Variants in CAST observed in about 807,000 individuals in gnomAD.
CAST encodes calpastatin, also known as MIR583 host.
A neutral mutation model predicts 119.6 loss-of-function variants in CAST; 76 were observed. That is an observed-to-expected ratio of 0.64 (90% CI 0.53 to 0.77). The LOEUF (loss-of-function observed/expected upper bound fraction) is 0.77, where lower values mean the gene tolerates loss of function less well. Among genes scored for constraint, CAST ranks in the 30% least tolerant of loss-of-function variants. The pLI is 0.00. For synonymous variants in CAST, 319 were observed against 331.6 expected (o/e 0.96, Z 0.41); for missense variants, 953 against 946.5 (o/e 1.01, Z -0.09).
At chr5:96,429,294 G>T in the CAST span, 2 of 1,588,282 alleles carry the variant, frequency 1.3e-6, no homozygotes, top group African/African-American at 1.3e-5. Context: ...GTTTGAATAA[G>T]TAGTGATTTT....
chr5:96,448,655 T>C, the CAST span, among the ~76,000 whole-genome samples: 3 of 152,160 alleles, frequency 2.0e-5, no homozygotes. Context: ...GTTTAGTCAC[T>C]TTCAGGAAGA....
At chr5:96,582,219 CTTTA>C (rs1249760642) in intron 1 of CAST, among the ~76,000 whole-genome samples, 1 of 152,112 alleles carries the variant, frequency 6.6e-6, no homozygotes, top group Non-Finnish European at 1.5e-5. Context: ...AAATTTTTCA[CTTTA>C]TTTATATCTG....
chr5:96,135,494 G>A, the CAST span, among the ~76,000 whole-genome samples: 12 of 152,152 alleles, frequency 7.9e-5, no homozygotes, highest in Non-Finnish European at 1.8e-4. Flanking sequence ...GGGTAAGGGA[G>A]AAGTTAGCAC....
chr5:96,565,760 C>T (rs1266941754), intron 1 of CAST, among the ~76,000 whole-genome samples: 1 of 152,176 alleles, frequency 6.6e-6, no homozygotes, highest in East Asian at 1.9e-4. Flanking sequence ...ACAGCCATCT[C>T]CCCATGAGAT....
At chr5:96,049,869 A>G in the CAST span, among the ~76,000 whole-genome samples, 1 of 139,402 alleles carries the variant, frequency 7.2e-6, no homozygotes, top group African/African-American at 2.6e-5. Flanking sequence ...ATTTTAAGAG[A>G]GAAACAACAG....
chr5:96,698,555 G>A (rs570673719), intron 3 of CAST, among the ~76,000 whole-genome samples: 1 of 152,222 alleles, frequency 6.6e-6, no homozygotes, highest in African/African-American at 2.4e-5. Flanking sequence ...ATAAGGTGTT[G>A]AACAAACGTA....
At chr5:96,125,015 C>T in the CAST span, among the ~76,000 whole-genome samples, 2 of 151,988 alleles carry the variant, frequency 1.3e-5, no homozygotes, top group African/African-American at 2.4e-5. Context: ...AAGAGTAGCC[C>T]GATTCTTAGA....
chr5:96,549,653 A>T (rs1375359686), intron 1 of CAST, among the ~76,000 whole-genome samples: 1 of 152,204 alleles, frequency 6.6e-6, no homozygotes, highest in Non-Finnish European at 1.5e-5. Flanking sequence ...GGAAGCCATG[A>T]GTGACTGTAC....
the CAST span, among the ~76,000 whole-genome samples, chr5:96,307,929 C>G: frequency 6.6e-6 from 1 of 152,066 alleles, no homozygotes; most frequent in Non-Finnish European, 1.5e-5. Flanking sequence ...GAGTATGTGT[C>G]TTGGGATTGC....
chr5:96,235,242 T>C, the CAST span, among the ~76,000 whole-genome samples: 2 of 152,188 alleles, frequency 1.3e-5, no homozygotes, highest in African/African-American at 4.8e-5. Context: ...GTAATATAGA[T>C]GAAAGCATGG....
chr5:96,606,376 A>C (rs1747255568), intron 1 of CAST, among the ~76,000 whole-genome samples: 1 of 152,226 alleles, frequency 6.6e-6, no homozygotes, highest in Non-Finnish European at 1.5e-5. Context: ...TATCTGTATA[A>C]GAATACTACA....
At chr5:96,450,152 C>T in the CAST span, among the ~76,000 whole-genome samples, 1 of 152,186 alleles carries the variant, frequency 6.6e-6, no homozygotes, top group Non-Finnish European at 1.5e-5. Flanking sequence ...ATGGATTCCA[C>T]CTAAGTGCCC....
chr5:95,988,781 A>G, the CAST span, among the ~76,000 whole-genome samples: 2 of 152,226 alleles, frequency 1.3e-5, no homozygotes, highest in East Asian at 3.8e-4. Context: ...GAATACGCAT[A>G]AACTCTTTAG....
At chr5:96,313,135 A>G in the CAST span, among the ~76,000 whole-genome samples, 2 of 152,168 alleles carry the variant, frequency 1.3e-5, no homozygotes, top group East Asian at 1.9e-4. Flanking sequence ...CAAAAAATCA[A>G]GATACTGCTT....
At chr5:96,513,342 A>C in the CAST span, among the ~76,000 whole-genome samples, 1 of 152,244 alleles carries the variant, frequency 6.6e-6, no homozygotes, top group Non-Finnish European at 1.5e-5. Flanking sequence ...GGAGACAGAC[A>C]ATAAAAAGCA....
intron 1 of CAST, among the ~76,000 whole-genome samples, chr5:96,530,050 C>T (rs1580811881): frequency 1.3e-5 from 2 of 152,204 alleles, no homozygotes; most frequent in Admixed American, 1.3e-4. Context: ...CCAAACAGTT[C>T]CTACCTGCAG....
the CAST span, among the ~76,000 whole-genome samples, chr5:96,021,304 C>CA: frequency 6.6e-6 from 1 of 152,252 alleles, no homozygotes; most frequent in Middle Eastern, 3.4e-3. Context: ...TTTTCACACA[C>CA]AAAAATTTTT....
the CAST span, among the ~76,000 whole-genome samples, chr5:96,135,726 C>G: frequency 6.6e-6 from 1 of 152,128 alleles, no homozygotes; most frequent in Non-Finnish European, 1.5e-5. Flanking sequence ...ATTCATCCCT[C>G]TCAGCCTTTT....
chr5:96,566,508 A>G (rs1175311014), intron 1 of CAST, among the ~76,000 whole-genome samples: 1 of 152,230 alleles, frequency 6.6e-6, no homozygotes, highest in Non-Finnish European at 1.5e-5. Context: ...CAGGTTATAA[A>G]GCAAGAAAGC....
Sources: allele counts gnomAD v4.1 joint callset (sites outside exome capture counted in the v4.1 genomes callset), GRCh38; gene constraint gnomAD v4.1.1; transcripts MANE v1.5; gene names NCBI Gene and HGNC (gene_info 2026-07-23, HGNC 2026-07-21).